The following THUMPD2 variants were observed in gnomAD, a reference collection of about 807,000 sequenced individuals.
The protein encoded by THUMPD2 is U6 snRNA (guanine-N(2))-methyltransferase THUMPD2.
Under a neutral mutation model 49.4 loss-of-function variants are expected in THUMPD2, and 56 were observed. That is an observed-to-expected ratio of 1.13 (90% CI 0.91 to 1.41). The LOEUF (loss-of-function observed/expected upper bound fraction) is 1.41. Ranked by LOEUF, THUMPD2 falls within the 40% of genes most tolerant of loss-of-function variation. The pLI, the probability that THUMPD2 is intolerant of heterozygous loss-of-function variation, is 0.00. For synonymous variants in THUMPD2, 237 were observed against 205.2 expected, an observed-to-expected ratio of 1.15 and a Z score of -1.32; for missense variants, 709 against 594.5, an observed-to-expected ratio of 1.19 and a Z score of -2.00.
intron 1 of THUMPD2, among the ~76,000 whole-genome samples, chr2:39,776,891 C>T (rs1173532221): frequency 5.9e-5 from 9 of 152,142 alleles, no homozygotes; most frequent in Non-Finnish European, 1.3e-4. Context: ...GGGGCTGGCA[C>T]CCAGAAATAC....
chr2:39,749,835 T>A (rs1388673831), intron 8 of THUMPD2, among the ~76,000 whole-genome samples: 1 of 152,150 alleles, frequency 6.6e-6, no homozygotes, highest in Non-Finnish European at 1.5e-5. Flanking sequence ...CACTTATAAG[T>A]GAAAACATGC....
At chr2:39,754,153 G>T (rs1381115945) in intron 8 of THUMPD2, among the ~76,000 whole-genome samples, 1 of 152,136 alleles carries the variant, frequency 6.6e-6, no homozygotes, top group Non-Finnish European at 1.5e-5. Flanking sequence ...CACTGCTCTG[G>T]AACAATTTAG....
chr2:39,746,377 A>C (rs1425414617), intron 8 of THUMPD2, among the ~76,000 whole-genome samples: 1 of 152,180 alleles, frequency 6.6e-6, no homozygotes, highest in African/African-American at 2.4e-5. Context: ...TGCGTATTAG[A>C]ATCAACTGAA....
chr2:39,779,022 C>T (rs1194792702), intron 1 of THUMPD2, 92 bp downstream of exon 1: 3 of 1,341,514 alleles, frequency 2.2e-6, no homozygotes, highest in Non-Finnish European at 2.9e-6. Flanking sequence ...AGAGGGGCGC[C>T]AGCGACGCTT....
At chr2:39,774,206 C>A (rs936242941) in intron 1 of THUMPD2, among the ~76,000 whole-genome samples, 1 of 152,250 alleles carries the variant, frequency 6.6e-6, no homozygotes, top group African/African-American at 2.4e-5. Context: ...CCAGTGAAAA[C>A]CCTGGAATAA....
At chr2:39,760,405 T>G (rs1197725530) in intron 6 of THUMPD2, among the ~76,000 whole-genome samples, 1 of 152,022 alleles carries the variant, frequency 6.6e-6, no homozygotes, top group Admixed American at 6.6e-5. Context: ...TGTAATGGAA[T>G]AGAACAATGA....
intron 5 of THUMPD2, among the ~76,000 whole-genome samples, chr2:39,765,487 C>T (rs760982828): frequency 2.1e-4 from 32 of 151,456 alleles, no homozygotes; most frequent in Non-Finnish European, 3.5e-4. Flanking sequence ...TACTTAGGCT[C>T]ACTTTTTGGG....
At chr2:39,760,129 C>G (rs13001476) in intron 6 of THUMPD2, among the ~76,000 whole-genome samples, 2 of 152,154 alleles carry the variant, frequency 1.3e-5, no homozygotes, top group East Asian at 3.8e-4. Context: ...AAGGAAAGTT[C>G]TGGTACATAA....
intron 1 of THUMPD2, among the ~76,000 whole-genome samples, chr2:39,777,116 T>C (rs931035963): frequency 3.3e-5 from 5 of 152,374 alleles, no homozygotes; most frequent in Non-Finnish European, 5.9e-5. Context: ...CAACTCATTG[T>C]ATGGGAACTA....
At chr2:39,742,885 A>G (rs1674091653) in intron 9 of THUMPD2, among the ~76,000 whole-genome samples, 1 of 152,158 alleles carries the variant, frequency 6.6e-6, no homozygotes, top group South Asian at 2.1e-4. Flanking sequence ...CTCAAGGTGA[A>G]TGTGATATTG....
intron 3 of THUMPD2, 129 bp downstream of exon 3, chr2:39,769,581 G>T: frequency 1.1e-6 from 1 of 895,930 alleles, no homozygotes; most frequent in Non-Finnish European, 1.6e-6. Context: ...GCACACCTGT[G>T]ATCCCAGCTA....
intron 1 of THUMPD2, among the ~76,000 whole-genome samples, chr2:39,778,745 C>T (rs954987213): frequency 5.9e-5 from 9 of 152,300 alleles, no homozygotes; most frequent in African/African-American, 2.2e-4. Flanking sequence ...AACAAAAAGT[C>T]AGGTAACTGA....
chr2:39,755,413 T>C lies in THUMPD2; in HGVS notation c.964-4A>G, dbSNP rs1675969898. The C allele has an allele frequency of 5.3e-6, 8 of 1,521,380 alleles. No homozygotes were observed. The highest frequency in any genetic ancestry group is 1.4e-5 in the African/African-American group (1 of 70,264). 94.2% of individuals were successfully genotyped at this position (1,521,380 alleles called of 1,614,324 possible). On this transcript the variant is annotated splice_region_variant and splice_polypyrimidine_tract_variant and intron_variant, in intron 7 of 9. Coordinates refer to ENST00000505747, the MANE Select transcript of THUMPD2 (RefSeq NM_025264.5). ...CAGCACCTACATAATACACATCCTA[T>C]GGGGAAATAAATATTTTAAGCATAA...
chr2:39,736,526 G>A lies in THUMPD2; in HGVS notation c.*209C>T, dbSNP rs1463349473. On this transcript the variant is annotated 3_prime_UTR_variant, in exon 10 of 10. Coordinates refer to ENST00000505747, the MANE Select transcript of THUMPD2 (RefSeq NM_025264.5). The stretch of plus-strand genomic sequence containing the variant: ...TAAAACTTAAGTCTAAAAAATATTC[G>A]ATAACTTTTTTCTCAAAAACATTAA... 4 of 426,510 alleles carry A rather than the reference G, an allele frequency of 9.4e-6. No homozygotes were observed. Among genetic ancestry groups the A allele is most frequent in the Admixed American group, 7.9e-5 (2 of 25,288 alleles). The allele number at this position is 426,510 out of a possible 1,614,324, so 26.4% of individuals were successfully genotyped here. A position where few individuals can be genotyped will look rare whatever the true frequency, so the allele number is the denominator to read the frequency against.
Position 39,768,417 on chromosome 2 carries a change from T to C in THUMPD2, c.750+7A>G. On this transcript the variant is annotated splice_region_variant and intron_variant, in intron 4 of 9. Transcript: ENST00000505747. ...CAAGTATATAAAATAAAACAAATAC[T>C]CATTACCTCTAATTGTGGATTCCTC... 4 of 1,603,460 alleles carry C rather than the reference T, an allele frequency of 2.5e-6. No homozygotes were observed. The highest frequency in any genetic ancestry group is 3.4e-6 in the Non-Finnish European group (4 of 1,172,370).
At chr2:39,758,402 C>G (rs1486009372) in intron 6 of THUMPD2, among the ~76,000 whole-genome samples, 2 of 152,182 alleles carry the variant, frequency 1.3e-5, no homozygotes, top group Non-Finnish European at 2.9e-5. Context: ...ATGCTCAGAC[C>G]TAGAGGCAAC....
At chr2:39,778,574 C>A (rs540986056) in intron 1 of THUMPD2, among the ~76,000 whole-genome samples, 2 of 152,202 alleles carry the variant, frequency 1.3e-5, no homozygotes, top group South Asian at 4.1e-4. Context: ...AAACCTTGTT[C>A]ATTTCACAGA....
chr2:39,778,962 G>A (rs1679488942), intron 1 of THUMPD2, 152 bp downstream of exon 1: 1 of 1,024,018 alleles, frequency 9.8e-7, no homozygotes, highest in South Asian at 2.2e-5. Context: ...GGCCGGAGCG[G>A]AAGCGCCTGC....
chr2:39,764,944 T>C (rs1432923065), intron 5 of THUMPD2, among the ~76,000 whole-genome samples: 2 of 152,194 alleles, frequency 1.3e-5, no homozygotes, highest in Admixed American at 1.3e-4. Context: ...TGAAATGCCA[T>C]GGCATGACGT....
Sources: gnomAD v4.1 joint callset for allele counts (sites outside exome capture counted in the v4.1 genomes callset) on GRCh38, gnomAD v4.1.1 for gene constraint, MANE v1.5 for transcripts, NCBI Gene and HGNC (gene_info 2026-07-23, HGNC 2026-07-21) for gene names.